Variants in KRAS observed in about 807,000 individuals in gnomAD.
KRAS encodes GTPase KRas.
Under a neutral mutation model 21.0 loss-of-function variants are expected in KRAS, and 1 was observed. The observed-to-expected ratio is 0.05, with a 90% CI of 0.02 to 0.23. The LOEUF is 0.23. Ranked by LOEUF, KRAS falls within the 10% of genes least tolerant of loss-of-function variation. The pLI is 1.00. For missense variants in KRAS, 107 were observed against 221.8 expected (o/e 0.48, Z 3.29); for synonymous variants, 67 against 72.5 (o/e 0.92, Z 0.39).
Position 25,208,422 on chromosome 12 carries a change from A to G in KRAS, c.*1373T>C, listed in dbSNP as rs767435288. 4.3e-6 allele frequency: 1 copy of G among 233,100 alleles called. No individual in the cohort carries two copies. The highest frequency in any genetic ancestry group is 8.5e-6 in the Non-Finnish European group (1 of 117,824). 14.4% of individuals were successfully genotyped at this position (233,100 alleles called of 1,614,324 possible). ...TTATTAAATATGGATCAGACTTGAA[A>G]AGTGTTTATGCAATGTTAATTTAAC... On this transcript the variant is annotated 3_prime_UTR_variant, in exon 5 of 5. Coordinates refer to ENST00000311936, the MANE Select transcript of KRAS (RefSeq NM_004985.5).
rs2141480461 is a variant in KRAS at position 25,208,955 on chromosome 12, T to C, written c.*840A>G. On this transcript the variant is annotated 3_prime_UTR_variant, in exon 5 of 5. Coordinates refer to ENST00000311936, the MANE Select transcript of KRAS (RefSeq NM_004985.5). ...AGCAGTCTGACACAGGGAGACTACA[T>C]TTAATTCCTATGAGAATTTTTTATA... 1 of 310,966 alleles carries C rather than the reference T, an allele frequency of 3.2e-6. No individual in the cohort carries two copies. Among genetic ancestry groups the C allele is most frequent in the Non-Finnish European group, 5.9e-6 (1 of 170,760 alleles). 19.3% of individuals were successfully genotyped at this position (310,966 alleles called of 1,614,324 possible). A position where few individuals can be genotyped will look rare whatever the true frequency, so the allele number is the denominator to read the frequency against.
intron 4 of KRAS, among the ~76,000 whole-genome samples, chr12:25,218,630 T>C (rs1951281818): frequency 6.6e-6 from 1 of 152,246 alleles, no homozygotes; most frequent in East Asian, 1.9e-4. Context: ...TTCTTGATAA[T>C]ATGCTTTAAA....
intron 4 of KRAS, among the ~76,000 whole-genome samples, chr12:25,217,653 G>A (rs1187562127): frequency 1.3e-5 from 2 of 152,174 alleles, no homozygotes; most frequent in Non-Finnish European, 2.9e-5. Context: ...GATTTTAAGT[G>A]TCAGGTGTGG....
At chr12:25,223,943 G>A (rs1951357883) in intron 4 of KRAS, among the ~76,000 whole-genome samples, 1 of 152,040 alleles carries the variant, frequency 6.6e-6, no homozygotes, top group South Asian at 2.1e-4. Flanking sequence ...GTACAGTCAT[G>A]TACCACATAA....
intron 2 of KRAS, among the ~76,000 whole-genome samples, chr12:25,239,722 A>C (rs1192213532): frequency 6.6e-6 from 1 of 152,186 alleles, no homozygotes; most frequent in East Asian, 1.9e-4. Flanking sequence ...GACACTGCTG[A>C]GGCGGGCAGA....
At chr12:25,239,372 T>C (rs1416883507) in intron 2 of KRAS, among the ~76,000 whole-genome samples, 1 of 152,230 alleles carries the variant, frequency 6.6e-6, no homozygotes, top group Non-Finnish European at 1.5e-5. Flanking sequence ...TTTTCCCAAA[T>C]GTTTGCCTTA....
chr12:25,231,334 C>T (rs139783929), intron 2 of KRAS, among the ~76,000 whole-genome samples: 85 of 152,078 alleles, frequency 5.6e-4, no homozygotes, highest in African/African-American at 1.8e-3. Context: ...TGATCCGCCT[C>T]GGCCTCCCAA....
chr12:25,224,175 C>T (rs1305278738), intron 4 of KRAS, among the ~76,000 whole-genome samples: 1 of 126,116 alleles, frequency 7.9e-6, no homozygotes, highest in East Asian at 2.0e-4. Flanking sequence ...TGTACTCCTC[C>T]TATTTACTAA....
chr12:25,218,514 T>C (rs1344251745), intron 4 of KRAS, among the ~76,000 whole-genome samples: 1 of 152,154 alleles, frequency 6.6e-6, no homozygotes, highest in Admixed American at 6.5e-5. Context: ...CAGTGGCTCA[T>C]ATAATTAACA....
At chr12:25,237,272 G>C (rs1409518710) in intron 2 of KRAS, among the ~76,000 whole-genome samples, 1 of 152,136 alleles carries the variant, frequency 6.6e-6, no homozygotes, top group Non-Finnish European at 1.5e-5. Context: ...TAATGGATGT[G>C]GGACTTTTGG....
At chr12:25,212,447 C>T (rs999523822) in intron 4 of KRAS, among the ~76,000 whole-genome samples, 1 of 152,060 alleles carries the variant, frequency 6.6e-6, no homozygotes, top group African/African-American at 2.4e-5. Context: ...AATTTTGGCC[C>T]AGTGCAGTGG....
chr12:25,248,493 T>C (rs1177128216), intron 1 of KRAS, among the ~76,000 whole-genome samples: 1 of 151,990 alleles, frequency 6.6e-6, no homozygotes, highest in East Asian at 1.9e-4. Flanking sequence ...GGCCAAAAAG[T>C]TTACTAGCCT....
In KRAS at chr12:25,206,742, G is replaced by A. The variant is rs1388521284; in HGVS notation, c.*3053C>T. ...AAATCATAGTGATTTTTACATAGAA[G>A]TTTCCTTGTCTGTGAACTAGTTCAG... is the stretch of plus-strand genomic sequence containing the variant. On this transcript the variant is annotated 3_prime_UTR_variant, in exon 5 of 5. Transcript: ENST00000311936. 11 of 196,628 alleles carry A rather than the reference G, an allele frequency of 5.6e-5. No homozygotes were observed. Among genetic ancestry groups the A allele is most frequent in the Non-Finnish European group, 1.1e-4 (10 of 94,874 alleles). 12.2% of individuals were successfully genotyped at this position (196,628 alleles called of 1,614,324 possible).
intron 4 of KRAS, among the ~76,000 whole-genome samples, chr12:25,211,977 A>T (rs1012887818): frequency 6.6e-6 from 1 of 152,208 alleles, no homozygotes; most frequent in African/African-American, 2.4e-5. Context: ...GCAATACAAT[A>T]CCATCAAGGT....
intron 2 of KRAS, among the ~76,000 whole-genome samples, chr12:25,240,991 C>T (rs952909967): frequency 1.3e-5 from 2 of 152,156 alleles, no homozygotes; most frequent in Non-Finnish European, 2.9e-5. Flanking sequence ...CCCTGTAACA[C>T]ACCACCAAGC....
intron 4 of KRAS, among the ~76,000 whole-genome samples, chr12:25,218,225 G>GT (rs894644818): frequency 2.1e-5 from 3 of 142,380 alleles, no homozygotes; most frequent in Admixed American, 1.4e-4. Context: ...TTCTATTTCT[G>GT]TTTAAAAAAA....
chr12:25,223,462 T>C lies in KRAS; in HGVS notation c.450+2152A>G, dbSNP rs564924605. Among the ~76,000 whole-genome samples the C allele has an allele frequency of 3.3e-5, 5 of 152,296 alleles. No homozygotes were observed. The East Asian group carries it at 7.7e-4, about 23-fold the overall frequency. ...TCTTTGGAACCTGGAAATGGATTTATGTGAAATCTTAATTCCTCTAAAGTA... is the reference window on the plus strand; with the variant it reads ...TCTTTGGAACCTGGAAATGGATTTACGTGAAATCTTAATTCCTCTAAAGTA... On this transcript the variant is annotated intron_variant, in intron 4 of 4. Coordinates refer to ENST00000311936, the MANE Select transcript of KRAS (RefSeq NM_004985.5).
At chr12:25,228,130 AGGAAATGCTCACT>A (rs953797970) in intron 2 of KRAS, among the ~76,000 whole-genome samples, 2 of 151,680 alleles carry the variant, frequency 1.3e-5, no homozygotes, top group African/African-American at 2.4e-5. Flanking sequence ...TGATGCTAAA[AGGAAATGCTCACT>A]GGAGCATTTG....
intron 4 of KRAS, among the ~76,000 whole-genome samples, chr12:25,224,183 TAAAAAAAAAAAA>T (rs5797121): frequency 5.0e-5 from 4 of 79,720 alleles, no homozygotes; most frequent in African/African-American, 9.6e-5. Context: ...TCCTATTTAC[TAAAAAAAAAAAA>T]AAAAAAAAAA....
Sources: allele counts gnomAD v4.1 joint callset (sites outside exome capture counted in the v4.1 genomes callset), GRCh38; gene constraint gnomAD v4.1.1; transcripts MANE v1.5; gene names NCBI Gene and HGNC (gene_info 2026-07-23, HGNC 2026-07-21).